The following GRIK1 variants were observed in gnomAD, a reference collection of about 807,000 sequenced individuals.
GRIK1 encodes glutamate receptor ionotropic, kainate 1.
A neutral mutation model predicts 105.7 loss-of-function variants in GRIK1; 69 were observed. The ratio of observed to expected loss-of-function variants is 0.65; its 90% confidence interval spans 0.54 to 0.80. The LOEUF (loss-of-function observed/expected upper bound fraction) is 0.80. GRIK1 is among the 30% of genes least tolerant of loss of function. GRIK1 has a pLI of 0.00. For synonymous variants in GRIK1, 438 were observed against 431.3 expected, an observed-to-expected ratio of 1.02 and a Z score of -0.19; for missense variants, 1,109 against 1,167.3, an observed-to-expected ratio of 0.95 and a Z score of 0.73.
chr21:29,792,332 T>A (rs1405543636), intron 1 of GRIK1, among the ~76,000 whole-genome samples: 5 of 152,164 alleles, frequency 3.3e-5, no homozygotes, highest in African/African-American at 1.2e-4. Flanking sequence ...CAGATGGAAT[T>A]ATGAATTCAG....
intron 1 of GRIK1, among the ~76,000 whole-genome samples, chr21:29,712,083 T>TATACACACACACACACAC (rs1232277994): frequency 3.0e-5 from 4 of 135,370 alleles, no homozygotes; most frequent in African/African-American, 1.1e-4. Flanking sequence ...TATACATACA[T>TATACACACACACACACAC]ACACACACAC....
chr21:29,684,964 C>A (rs1178100877), intron 3 of GRIK1, among the ~76,000 whole-genome samples: 1 of 152,150 alleles, frequency 6.6e-6, no homozygotes, highest in Non-Finnish European at 1.5e-5. Flanking sequence ...ATCTACCTAT[C>A]ATGATCTATT....
Position 29,587,589 on chromosome 21 carries a change from T to G in GRIK1, c.1570A>C (p.Arg524=), listed in dbSNP as rs2091158559. The G allele has an allele frequency of 6.2e-7, 1 of 1,600,908 alleles. No homozygotes were observed. Among genetic ancestry groups the G allele is most frequent in the Non-Finnish European group, 8.6e-7 (1 of 1,169,178 alleles). ...NGMVKELIDH[R]ADLAVAPLTI... Reference sequence around the variant, plus strand: ...AGAGGAGCCACTGCCAGGTCAGCCCTCTGCAAAAGCAAGTCCAAAATTGTC... The same window carrying G: ...AGAGGAGCCACTGCCAGGTCAGCCCGCTGCAAAAGCAAGTCCAAAATTGTC... Residue 524 remains arginine, a splice_region_variant and synonymous_variant, in exon 12 of 18, where the codon AGG becomes CGG. Coordinates refer to ENST00000327783, the MANE Select transcript of GRIK1 (RefSeq NM_001330994.2).
chr21:29,761,801 G>A (rs969469637), intron 1 of GRIK1, among the ~76,000 whole-genome samples: 4 of 142,974 alleles, frequency 2.8e-5, no homozygotes, highest in Non-Finnish European at 4.5e-5. Flanking sequence ...AGGCTGGAGT[G>A]AAATGGCGTG....
chr21:29,688,228 A>G (rs2063520799), intron 3 of GRIK1, among the ~76,000 whole-genome samples: 1 of 152,168 alleles, frequency 6.6e-6, no homozygotes, highest in South Asian at 2.1e-4. Flanking sequence ...AGAATCTTCA[A>G]TTCTTTCTAA....
chr21:29,650,115 TTTAAAAG>T (rs1446092600), intron 6 of GRIK1, among the ~76,000 whole-genome samples: 2 of 152,220 alleles, frequency 1.3e-5, no homozygotes, highest in Non-Finnish European at 2.9e-5. Flanking sequence ...CTTTGAATAT[TTTAAAAG>T]TTATTTCAGG....
intron 1 of GRIK1, among the ~76,000 whole-genome samples, chr21:29,797,785 T>C (rs2066598056): frequency 6.6e-6 from 1 of 152,196 alleles, no homozygotes; most frequent in Admixed American, 6.5e-5. Context: ...TTTAACAATG[T>C]CCCGCCTAGA....
intron 1 of GRIK1, among the ~76,000 whole-genome samples, chr21:29,750,236 TCCTCCCTC>T (rs71191124): frequency 5.0e-4 from 58 of 115,098 alleles, no homozygotes; most frequent in Admixed American, 1.1e-3. Context: ...TTCCTTCCCT[TCCTCCCTC>T]CCTCCCTCCC....
At chr21:29,582,579 T>C (rs1010277647) in intron 12 of GRIK1, among the ~76,000 whole-genome samples, 4 of 152,078 alleles carry the variant, frequency 2.6e-5, no homozygotes, top group Non-Finnish European at 4.4e-5. Context: ...AATATATTTT[T>C]TGTTCTTTCT....
At chr21:29,843,257 T>C (rs2068029060) in intron 1 of GRIK1, among the ~76,000 whole-genome samples, 1 of 152,184 alleles carries the variant, frequency 6.6e-6, no homozygotes, top group Non-Finnish European at 1.5e-5. Context: ...CAGTGACACA[T>C]ACCTAGAATT....
intron 1 of GRIK1, among the ~76,000 whole-genome samples, chr21:29,803,801 C>T (rs757051758): frequency 3.9e-5 from 6 of 152,076 alleles, no homozygotes; most frequent in Non-Finnish European, 5.9e-5. Flanking sequence ...ATCCTTCCTC[C>T]ATTGCTTTAT....
chr21:29,610,238 G>A (rs1389443036), intron 7 of GRIK1, among the ~76,000 whole-genome samples: 1 of 152,136 alleles, frequency 6.6e-6, no homozygotes, highest in African/African-American at 2.4e-5. Flanking sequence ...TTACCTTTGT[G>A]TGGTAGGGTG....
At chr21:29,697,737 C>G (rs547487672) in intron 1 of GRIK1, among the ~76,000 whole-genome samples, 1 of 152,220 alleles carries the variant, frequency 6.6e-6, no homozygotes, top group African/African-American at 2.4e-5. Context: ...CTTCTCCTCC[C>G]CATAGCTTCA....
At chr21:29,756,368 G>A (rs1451574827) in intron 1 of GRIK1, among the ~76,000 whole-genome samples, 4 of 152,202 alleles carry the variant, frequency 2.6e-5, no homozygotes, top group African/African-American at 4.8e-5. Flanking sequence ...GCAACAGAGC[G>A]AGACTCCATC....
At chr21:29,651,440 A>T (rs981091493) in intron 5 of GRIK1, 149 bp from the exon 6 acceptor site, 162 of 576,950 alleles carry the variant, frequency 2.8e-4, no homozygotes, top group Non-Finnish European at 2.1e-4. Flanking sequence ...CCTGCGGTCA[A>T]CCACAGTTGG....
At chr21:29,722,397 A>G (rs1302168819) in intron 1 of GRIK1, among the ~76,000 whole-genome samples, 7 of 152,064 alleles carry the variant, frequency 4.6e-5, no homozygotes, top group African/African-American at 1.7e-4. Context: ...TCTACTAAAA[A>G]TACAAAAAAT....
chr21:29,728,516 A>C (rs947641405), intron 1 of GRIK1, among the ~76,000 whole-genome samples: 2 of 152,218 alleles, frequency 1.3e-5, no homozygotes, highest in African/African-American at 2.4e-5. Flanking sequence ...TATAAGAATG[A>C]GGATGTGAGA....
At chr21:29,934,736 C>T (rs1218849525) in intron 1 of GRIK1, among the ~76,000 whole-genome samples, 1 of 152,122 alleles carries the variant, frequency 6.6e-6, no homozygotes, top group African/African-American at 2.4e-5. Flanking sequence ...AATAACTGAA[C>T]TTACGCAAAG....
At chr21:29,692,762 A>G (rs1253045403) in intron 2 of GRIK1, among the ~76,000 whole-genome samples, 1 of 152,064 alleles carries the variant, frequency 6.6e-6, no homozygotes, top group Admixed American at 6.5e-5. Context: ...TTTAGTAGAG[A>G]CAGGGTTTCA....
Sources: gnomAD v4.1 joint callset for allele counts (sites outside exome capture counted in the v4.1 genomes callset) on GRCh38, gnomAD v4.1.1 for gene constraint, MANE v1.5 for transcripts, NCBI Gene and HGNC (gene_info 2026-07-23, HGNC 2026-07-21) for gene names.